Variants in FAM13A observed in about 807,000 individuals in gnomAD.
The protein encoded by FAM13A is family with sequence similarity 13 member A, also known as protein FAM13A.
Under a neutral mutation model 129.6 loss-of-function variants are expected in FAM13A, and 76 were observed. The observed-to-expected ratio is 0.59, with a 90% CI of 0.49 to 0.71. The LOEUF (loss-of-function observed/expected upper bound fraction) is 0.71. Among genes scored for constraint, FAM13A ranks in the 30% least tolerant of loss-of-function variants. The pLI is 0.00. For synonymous variants in FAM13A, 443 were observed against 449.9 expected, an observed-to-expected ratio of 0.98 and a Z score of 0.20; for missense variants, 1,108 against 1,249.3, an observed-to-expected ratio of 0.89 and a Z score of 1.70.
At chr4:88,920,832 T>A (rs961187066) in intron 5 of FAM13A, among the ~76,000 whole-genome samples, 1 of 152,088 alleles carries the variant, frequency 6.6e-6, no homozygotes, top group African/African-American at 2.4e-5. Context: ...ATAACTAGAA[T>A]AATCAATAGA....
At chr4:88,764,326 T>C (rs1267124193) in intron 13 of FAM13A, among the ~76,000 whole-genome samples, 1 of 152,200 alleles carries the variant, frequency 6.6e-6, no homozygotes, top group Non-Finnish European at 1.5e-5. Context: ...ACTGACCTTG[T>C]AATTCTGACA....
At chr4:88,950,347 T>C (rs1467243689) in intron 4 of FAM13A, among the ~76,000 whole-genome samples, 4 of 152,020 alleles carry the variant, frequency 2.6e-5, no homozygotes, top group Non-Finnish European at 5.9e-5. Context: ...ACTATAGGTG[T>C]GCACGGCTGT....
At chr4:88,871,003 C>A (rs546166146) in intron 6 of FAM13A, among the ~76,000 whole-genome samples, 4 of 152,330 alleles carry the variant, frequency 2.6e-5, no homozygotes, top group Middle Eastern at 3.4e-3. Context: ...CCTAGGCAAA[C>A]AGGTCTGGAG....
intron 4 of FAM13A, among the ~76,000 whole-genome samples, chr4:88,984,248 T>C (rs1761971340): frequency 6.6e-6 from 1 of 151,998 alleles, no homozygotes; most frequent in South Asian, 2.1e-4. Flanking sequence ...CTTTCTCAGG[T>C]ACAACACAAA....
chr4:88,910,261 A>C (rs935451563), intron 5 of FAM13A, among the ~76,000 whole-genome samples: 2 of 152,144 alleles, frequency 1.3e-5, no homozygotes, highest in Non-Finnish European at 2.9e-5. Context: ...TACTTTAATG[A>C]CCTTTGCACA....
At chr4:88,974,146 A>C (rs1381622011) in intron 4 of FAM13A, among the ~76,000 whole-genome samples, 2 of 152,132 alleles carry the variant, frequency 1.3e-5, no homozygotes, top group Non-Finnish European at 2.9e-5. Flanking sequence ...AAACTCCCAA[A>C]ATTATGGAGT....
chr4:89,051,918 G>A (rs1363630351), intron 1 of FAM13A, among the ~76,000 whole-genome samples: 2 of 152,158 alleles, frequency 1.3e-5, no homozygotes, highest in Non-Finnish European at 2.9e-5. Flanking sequence ...CTGGGCAGAG[G>A]TTGAGCCCCT....
At chr4:88,839,625 G>T (rs1045170893) in intron 7 of FAM13A, among the ~76,000 whole-genome samples, 3 of 152,160 alleles carry the variant, frequency 2.0e-5, no homozygotes, top group African/African-American at 7.2e-5. Flanking sequence ...AGTGGCTCAC[G>T]CCTGTAATCC....
chr4:88,922,970 G>A (rs1044945745), intron 5 of FAM13A, among the ~76,000 whole-genome samples: 2 of 152,206 alleles, frequency 1.3e-5, no homozygotes, highest in East Asian at 1.9e-4. Context: ...TAAATTCCTC[G>A]ACACATACAC....
intron 4 of FAM13A, among the ~76,000 whole-genome samples, chr4:88,974,216 A>T (rs1760578286): frequency 6.6e-6 from 1 of 152,126 alleles, no homozygotes; most frequent in South Asian, 2.1e-4. Context: ...GGGAGCTTCC[A>T]GCAATTTGTC....
rs1010815895 is a variant in FAM13A at position 88,941,914 on chromosome 4, G to A, written c.606-3673C>T. On this transcript the variant is annotated intron_variant, in intron 4 of 23. Transcript: ENST00000264344. Reference sequence around the variant, plus strand: ...GTAACTGCCGTCAGTTGCTCTAAGTGGTTATTACTGCAGGGGGGCTCTTTA... The same window carrying A: ...GTAACTGCCGTCAGTTGCTCTAAGTAGTTATTACTGCAGGGGGGCTCTTTA... Among the ~76,000 whole-genome samples the A allele has an allele frequency of 2.6e-5, 4 of 152,240 alleles. No individual in the cohort carries two copies. The East Asian group carries it at 7.7e-4, about 29-fold the overall frequency.
At chr4:88,844,166 A>T (rs1428746518) in intron 7 of FAM13A, among the ~76,000 whole-genome samples, 1 of 152,194 alleles carries the variant, frequency 6.6e-6, no homozygotes, top group Non-Finnish European at 1.5e-5. Flanking sequence ...ACTAGCGTGG[A>T]CACAAAAGAG....
chr4:88,822,407 C>A (rs1259101767), intron 7 of FAM13A, among the ~76,000 whole-genome samples: 2 of 152,136 alleles, frequency 1.3e-5, no homozygotes, highest in Non-Finnish European at 2.9e-5. Context: ...GTCTTGCACT[C>A]AATCATTCTT....
intron 1 of FAM13A, among the ~76,000 whole-genome samples, chr4:89,032,768 G>A (rs942191165): frequency 6.6e-6 from 1 of 152,182 alleles, no homozygotes. Flanking sequence ...AGGAATGACT[G>A]CATGTTCACT....
chr4:89,048,581 A>C (rs1278877352), intron 1 of FAM13A, among the ~76,000 whole-genome samples: 1 of 152,184 alleles, frequency 6.6e-6, no homozygotes, highest in Non-Finnish European at 1.5e-5. Flanking sequence ...ATGGTATGTA[A>C]GTTATACCTC....
At chr4:88,837,746 C>CAAAACAAA (rs1395031253) in intron 7 of FAM13A, among the ~76,000 whole-genome samples, 5 of 123,204 alleles carry the variant, frequency 4.1e-5, no homozygotes, top group Non-Finnish European at 7.0e-5. Context: ...AAAAGCAAAA[C>CAAAACAAA]AAAACAAAAT....
At chr4:88,817,890 A>G (rs1046460991) in intron 7 of FAM13A, among the ~76,000 whole-genome samples, 5 of 152,228 alleles carry the variant, frequency 3.3e-5, no homozygotes, top group Admixed American at 6.5e-5. Context: ...AAGCATAAGA[A>G]GACAAAACTA....
At position 88,879,096 on chromosome 4, in the gene FAM13A, T is replaced by C. The variant is rs533167334; in HGVS notation, c.843+27283A>G. Among the ~76,000 whole-genome samples, 10 of 152,324 alleles carry C rather than the reference T, an allele frequency of 6.6e-5. No homozygotes were observed. In the South Asian group the frequency reaches 2.1e-3, roughly 32 times the overall value. ...CAGACACCTTTATATATAAAACACA[T>C]CTAATATTGGTAGCTGAGAATAGCT... On this transcript the variant is annotated intron_variant, in intron 6 of 23. Transcript: ENST00000264344.
At chr4:89,026,430 C>T (rs1057226971) in intron 2 of FAM13A, among the ~76,000 whole-genome samples, 3 of 152,128 alleles carry the variant, frequency 2.0e-5, no homozygotes, top group African/African-American at 4.8e-5. Flanking sequence ...AGAACAGAAA[C>T]CTGGCTCTTA....
Sources: allele counts gnomAD v4.1 joint callset (sites outside exome capture counted in the v4.1 genomes callset), GRCh38; gene constraint gnomAD v4.1.1; transcripts MANE v1.5; gene names NCBI Gene and HGNC (gene_info 2026-07-23, HGNC 2026-07-21).